The following ZNF423 variants were observed in gnomAD, a reference collection of about 807,000 sequenced individuals.
The protein encoded by ZNF423 is zinc finger protein 423.
Under a neutral mutation model 95.8 loss-of-function variants are expected in ZNF423, and 12 were observed. The observed-to-expected ratio is 0.13, with a 90% CI of 0.08 to 0.20. The LOEUF is 0.20. Among genes scored for constraint, ZNF423 ranks in the 10% least tolerant of loss-of-function variants. ZNF423 has a pLI of 1.00. For missense variants in ZNF423, 1,316 were observed against 1,737.1 expected (o/e 0.76, Z 4.31); for synonymous variants, 749 against 711.9 (o/e 1.05, Z -0.83).
At chr16:49,622,932 A>T (rs945141179) in intron 5 of ZNF423, among the ~76,000 whole-genome samples, 2 of 152,300 alleles carry the variant, frequency 1.3e-5, no homozygotes, top group Non-Finnish European at 2.9e-5. Flanking sequence ...TCTCTGAAGC[A>T]GAGACCATGT....
intron 3 of ZNF423, among the ~76,000 whole-genome samples, chr16:49,654,452 T>A (rs1411877197): frequency 6.6e-6 from 1 of 152,190 alleles, no homozygotes; most frequent in Non-Finnish European, 1.5e-5. Context: ...GGCAGGGGCA[T>A]GGACAAGGAG....
chr16:49,636,036 C>T lies in ZNF423; in HGVS notation c.3140G>A (p.Gly1047Asp). 6.2e-7 allele frequency: 1 copy of T among 1,611,620 alleles called. No individual in the cohort carries two copies. Among genetic ancestry groups the T allele is most frequent in the Non-Finnish European group, 8.5e-7 (1 of 1,178,192 alleles). The change falls in exon 4 of 8, where the codon GGC (glycine) becomes GAC (aspartate). Residue 1047 changes from glycine to aspartate, a missense_variant. Around this residue, in one of 6 missense-constraint regions of ZNF423, gnomAD observed 620 missense variants for 775.6 expected, o/e 0.80. Transcript: ENST00000563137. This position sits in a 1 kb window ranked among gnomAD's most constrained non-coding sequence, Gnocchi z 8.6. The stretch of plus-strand genomic sequence containing the variant: ...CGCCAGCTTCTGCATGTGGAAGGTG[C>T]CATGGATCTTGAGCTCAAGCGTGGA... ...VTSTLELKIHGTFHMQKLAGS... is the reference protein window; with the variant it reads ...VTSTLELKIHDTFHMQKLAGS...
intron 7 of ZNF423, among the ~76,000 whole-genome samples, chr16:49,511,610 G>T (rs912783765): frequency 6.6e-6 from 1 of 152,200 alleles, no homozygotes; most frequent in Non-Finnish European, 1.5e-5. Context: ...TTGGGGTGAG[G>T]GGCTCAGGCC....
intron 5 of ZNF423, among the ~76,000 whole-genome samples, chr16:49,572,550 G>A (rs1386287719): frequency 6.6e-6 from 1 of 152,200 alleles, no homozygotes; most frequent in East Asian, 1.9e-4. Flanking sequence ...AGATAGCTGA[G>A]CAAAACAGTG....
At chr16:49,770,573 G>T (rs547682962) in intron 2 of ZNF423, among the ~76,000 whole-genome samples, 1 of 151,742 alleles carries the variant, frequency 6.6e-6, no homozygotes, top group Non-Finnish European at 1.5e-5. Flanking sequence ...GAAAGGACAG[G>T]CCCCCCCAGA....
intron 1 of ZNF423, among the ~76,000 whole-genome samples, chr16:49,793,656 C>T (rs552761472): frequency 2.0e-5 from 3 of 152,082 alleles, no homozygotes; most frequent in Non-Finnish European, 1.5e-5. Context: ...CAGGGTATAC[C>T]GGCATAGGGA....
intron 5 of ZNF423, among the ~76,000 whole-genome samples, chr16:49,527,711 G>A (rs187596253): frequency 6.2e-4 from 95 of 152,278 alleles, no homozygotes; most frequent in Admixed American, 1.6e-3. Context: ...GCATTTCTGG[G>A]AAGAAGAAAT....
intron 1 of ZNF423, among the ~76,000 whole-genome samples, chr16:49,853,025 C>A (rs1159351027): frequency 1.3e-5 from 2 of 152,198 alleles, no homozygotes; most frequent in African/African-American, 4.8e-5. Flanking sequence ...CTGCTATGGA[C>A]TTTCACATTT....
chr16:49,642,099 C>T (rs1464767380), intron 3 of ZNF423, among the ~76,000 whole-genome samples: 1 of 152,238 alleles, frequency 6.6e-6, no homozygotes, highest in South Asian at 2.1e-4. Flanking sequence ...ATATTAACAG[C>T]TCCATTTATT....
upstream of ZNF423, among the ~76,000 whole-genome samples, chr16:49,858,806 G>A (rs549841131): frequency 9.9e-5 from 15 of 151,964 alleles, no homozygotes; most frequent in Admixed American, 2.0e-4. This position sits in a 1 kb window ranked among gnomAD's most constrained non-coding sequence, Gnocchi z 4.3. Context: ...CAGGGGCCGC[G>A]AGGCGCCTGG....
chr16:49,582,078 G>C (rs530955945), intron 5 of ZNF423, among the ~76,000 whole-genome samples: 7 of 152,240 alleles, frequency 4.6e-5, no homozygotes, highest in Admixed American at 2.0e-4. Context: ...AACTCACCAC[G>C]CTCACATAGT....
chr16:49,790,945 G>A (rs1035365336), intron 1 of ZNF423, among the ~76,000 whole-genome samples: 2 of 152,158 alleles, frequency 1.3e-5, no homozygotes, highest in East Asian at 1.9e-4. Context: ...CCAACCAACC[G>A]AGTGGGGGTC....
At chr16:49,835,728 T>C (rs965256823) in intron 1 of ZNF423, among the ~76,000 whole-genome samples, 17 of 152,038 alleles carry the variant, frequency 1.1e-4, no homozygotes, top group South Asian at 4.1e-4. Flanking sequence ...GAAGCCTGCA[T>C]AGGAGGTGGT....
chr16:49,680,929 T>C (rs1235151017), intron 3 of ZNF423, among the ~76,000 whole-genome samples: 1 of 151,756 alleles, frequency 6.6e-6, no homozygotes, highest in Non-Finnish European at 1.5e-5. Flanking sequence ...CCAAGGATCC[T>C]GTGACACCAA....
intron 1 of ZNF423, among the ~76,000 whole-genome samples, chr16:49,829,026 G>A (rs931084615): frequency 2.6e-5 from 4 of 152,118 alleles, no homozygotes; most frequent in Admixed American, 6.5e-5. Context: ...AGAGCAAGCC[G>A]TTTTCTCCTC....
At chr16:49,551,830 G>C (rs1969651567) in intron 5 of ZNF423, among the ~76,000 whole-genome samples, 1 of 152,178 alleles carries the variant, frequency 6.6e-6, no homozygotes, top group African/African-American at 2.4e-5. Flanking sequence ...AGCCAGGAAG[G>C]CATCTGACAT....
chr16:49,784,143 G>T (rs2034271115), intron 2 of ZNF423, among the ~76,000 whole-genome samples: 1 of 152,116 alleles, frequency 6.6e-6, no homozygotes, highest in Admixed American at 6.5e-5. Flanking sequence ...GGGAAGGTCT[G>T]GTGGCTCCTC....
intron 2 of ZNF423, among the ~76,000 whole-genome samples, chr16:49,741,677 G>T (rs1461375053): frequency 3.3e-5 from 5 of 152,222 alleles, no homozygotes; most frequent in Non-Finnish European, 7.3e-5. Context: ...GCCATGGAGT[G>T]TGTCCAGCAA....
chr16:49,691,990 C>T (rs1240815379), intron 3 of ZNF423, among the ~76,000 whole-genome samples: 3 of 151,800 alleles, frequency 2.0e-5, no homozygotes, highest in East Asian at 2.0e-4. Context: ...CGCTCTGTGG[C>T]GCAGGCTGGA....
Sources: gnomAD v4.1 joint callset for allele counts (sites outside exome capture counted in the v4.1 genomes callset) on GRCh38, gnomAD v4.1.1 for gene constraint, gnomAD v4.1.1 regional missense constraint, Gnocchi (gnomAD v3.1) non-coding constraint, MANE v1.5 for transcripts, NCBI Gene and HGNC (gene_info 2026-07-23, HGNC 2026-07-21) for gene names.